Variants in ZNF804A observed in about 807,000 individuals in gnomAD.
The protein encoded by ZNF804A is zinc finger protein 804A.
ZNF804A carries 2 observed loss-of-function variants against 16.5 expected under a neutral mutation model. That is an observed-to-expected ratio of 0.12 (90% CI 0.05 to 0.38). The LOEUF (loss-of-function observed/expected upper bound fraction) is 0.38. ZNF804A is among the 10% of genes least tolerant of loss of function. The pLI is 0.99. For missense variants in ZNF804A, 1,473 were observed against 1,390.7 expected (o/e 1.06, Z -0.94); for synonymous variants, 534 against 489.6 (o/e 1.09, Z -1.20).
chr2:184,876,531 G>A (rs1684682640), intron 2 of ZNF804A, among the ~76,000 whole-genome samples: 1 of 151,936 alleles, frequency 6.6e-6, no homozygotes, highest in Non-Finnish European at 1.5e-5. Flanking sequence ...AAATATTTTT[G>A]CTCCAAGAAA....
At chr2:184,619,635 G>A (rs1405821482) in intron 1 of ZNF804A, among the ~76,000 whole-genome samples, 1 of 151,872 alleles carries the variant, frequency 6.6e-6, no homozygotes, top group Non-Finnish European at 1.5e-5. Context: ...TTTAAAGCAG[G>A]TGGGTACAGT....
chr2:184,858,717 C>A (rs1032961507), intron 1 of ZNF804A, among the ~76,000 whole-genome samples: 1 of 152,172 alleles, frequency 6.6e-6, no homozygotes, highest in African/African-American at 2.4e-5. Flanking sequence ...ACCAGCATTA[C>A]ATTATTAGAT....
chr2:184,846,701 A>G (rs1241079042), intron 1 of ZNF804A, among the ~76,000 whole-genome samples: 10 of 152,010 alleles, frequency 6.6e-5, no homozygotes, highest in Non-Finnish European at 1.3e-4. Context: ...ATTTTTCCAA[A>G]CATGAAGGTG....
intron 1 of ZNF804A, among the ~76,000 whole-genome samples, chr2:184,627,954 G>C (rs932200052): frequency 6.6e-6 from 1 of 152,122 alleles, no homozygotes; most frequent in Non-Finnish European, 1.5e-5. Flanking sequence ...TCAACATGGA[G>C]TTTCTTATGT....
rs549541277 is a variant in ZNF804A, at chr2:184,628,605, G to T, written c.111+29535G>T. Among the ~76,000 whole-genome samples, 93 of 151,898 alleles carry T rather than the reference G, an allele frequency of 6.1e-4. 2 individuals carry two copies. In the Middle Eastern group the frequency reaches 0.01, roughly 17 times the overall value. On this transcript the variant is annotated intron_variant, in intron 1 of 3. Coordinates refer to ENST00000302277, the MANE Select transcript of ZNF804A (RefSeq NM_194250.2). ...AATATTTTTCAGTGAGAACATTATT[G>T]TTACCATTTGTATTTTAACTCACAA... is the stretch of plus-strand genomic sequence containing the variant.
intron 1 of ZNF804A, among the ~76,000 whole-genome samples, chr2:184,742,776 G>C (rs1352521275): frequency 1.3e-5 from 2 of 151,506 alleles, no homozygotes; most frequent in Non-Finnish European, 3.0e-5. Flanking sequence ...TGCTATTTAT[G>C]TGTGTGTATG....
At chr2:184,911,224 G>A (rs995792700) in intron 2 of ZNF804A, among the ~76,000 whole-genome samples, 7 of 151,950 alleles carry the variant, frequency 4.6e-5, no homozygotes, top group African/African-American at 1.7e-4. Context: ...AATTGAATAG[G>A]GAGTCCTTTC....
intron 1 of ZNF804A, among the ~76,000 whole-genome samples, chr2:184,672,405 G>A (rs1692351518): frequency 6.6e-6 from 1 of 152,092 alleles, no homozygotes; most frequent in African/African-American, 2.4e-5. Context: ...ATCCTTGCTT[G>A]CTCTGAGTAT....
chr2:184,806,316 A>G (rs1391340905), intron 1 of ZNF804A, among the ~76,000 whole-genome samples: 3 of 151,834 alleles, frequency 2.0e-5, no homozygotes, highest in African/African-American at 7.2e-5. Context: ...TTTATTGGGG[A>G]TCAATAATAG....
chr2:184,932,850 C>T (rs1351669342), intron 2 of ZNF804A, among the ~76,000 whole-genome samples: 1 of 152,016 alleles, frequency 6.6e-6, no homozygotes, highest in Non-Finnish European at 1.5e-5. Flanking sequence ...TTTTTCTTGC[C>T]ATCAACCCAG....
intron 1 of ZNF804A, among the ~76,000 whole-genome samples, chr2:184,736,849 G>T (rs1390989273): frequency 1.4e-5 from 2 of 145,420 alleles, no homozygotes; most frequent in South Asian, 2.1e-4. Context: ...TTTAGAACTC[G>T]TATTTCTTCT....
chr2:184,703,463 G>T (rs1391559742), intron 1 of ZNF804A, among the ~76,000 whole-genome samples: 1 of 151,884 alleles, frequency 6.6e-6, no homozygotes, highest in Non-Finnish European at 1.5e-5. Context: ...AGCACTTTGG[G>T]AGGCCGAGGC....
chr2:184,786,614 C>T (rs2105776534), intron 1 of ZNF804A, among the ~76,000 whole-genome samples: 1 of 152,014 alleles, frequency 6.6e-6, no homozygotes, highest in East Asian at 1.9e-4. Context: ...CGCCCTTTCT[C>T]CTAATTCCTT....
chr2:184,707,207 C>T lies in ZNF804A; in HGVS notation c.111+108137C>T, dbSNP rs1026015230. Among the ~76,000 whole-genome samples the T allele has an allele frequency of 8.5e-5, 13 of 152,162 alleles. No individual in the cohort carries two copies. In the East Asian group the frequency reaches 2.3e-3, roughly 27 times the overall value. ...TCTTCCTTTCTCTGAAACCACTCACCTAGCCACTCTTAATATGTGTACATG... is the reference window on the plus strand; with the variant it reads ...TCTTCCTTTCTCTGAAACCACTCACTTAGCCACTCTTAATATGTGTACATG... On this transcript the variant is annotated intron_variant, in intron 1 of 3. Coordinates refer to ENST00000302277, the MANE Select transcript of ZNF804A (RefSeq NM_194250.2).
chr2:184,839,391 T>C (rs1441997094), intron 1 of ZNF804A, among the ~76,000 whole-genome samples: 1 of 152,078 alleles, frequency 6.6e-6, no homozygotes, highest in East Asian at 1.9e-4. Flanking sequence ...AAATCTGGAC[T>C]CCTGTGCAAA....
chr2:184,702,289 A>G (rs560537391), intron 1 of ZNF804A, among the ~76,000 whole-genome samples: 1 of 152,144 alleles, frequency 6.6e-6, no homozygotes, highest in African/African-American at 2.4e-5. Context: ...GCAACTGTTT[A>G]AAAGCTGTTA....
intron 1 of ZNF804A, among the ~76,000 whole-genome samples, chr2:184,609,343 T>A (rs964546383): frequency 6.6e-6 from 1 of 152,206 alleles, no homozygotes; most frequent in Non-Finnish European, 1.5e-5. Flanking sequence ...TGACCCTTTC[T>A]CTGAGCTTCA....
chr2:184,932,341 C>A (rs990763972), intron 2 of ZNF804A, among the ~76,000 whole-genome samples: 1 of 152,106 alleles, frequency 6.6e-6, no homozygotes, highest in African/African-American at 2.4e-5. Flanking sequence ...GTTTAATTGA[C>A]TCACAGTTGC....
chr2:184,611,384 G>A (rs540296167), intron 1 of ZNF804A, among the ~76,000 whole-genome samples: 6 of 151,902 alleles, frequency 3.9e-5, no homozygotes, highest in African/African-American at 1.2e-4. Flanking sequence ...AATATGTGCT[G>A]AGCCCTAAAT....
Sources: gnomAD v4.1 joint callset for allele counts (sites outside exome capture counted in the v4.1 genomes callset) on GRCh38, gnomAD v4.1.1 for gene constraint, MANE v1.5 for transcripts, NCBI Gene and HGNC (gene_info 2026-07-23, HGNC 2026-07-21) for gene names.